The following GSE1 variants were observed in gnomAD, a reference collection of about 807,000 sequenced individuals.
GSE1 encodes Gse1 coiled-coil protein.
Under a neutral mutation model 112.6 loss-of-function variants are expected in GSE1, and 32 were observed. The ratio of observed to expected loss-of-function variants is 0.28; its 90% CI spans 0.21 to 0.38. GSE1 has a LOEUF of 0.38. Ranked by LOEUF, GSE1 falls within the 10% of genes least tolerant of loss-of-function variation. GSE1 has a pLI of 1.00. For synonymous variants in GSE1, 1,115 were observed against 735.6 expected (o/e 1.52, Z -8.35); for missense variants, 2,348 against 1,699.2 (o/e 1.38, Z -6.71).
chr16:85,303,126 C>T (rs939641776), intron 1 of GSE1, among the ~76,000 whole-genome samples: 4 of 152,244 alleles, frequency 2.6e-5, no homozygotes, highest in Non-Finnish European at 5.9e-5. Context: ...TAGTGACCAT[C>T]CCTCTGGCCG....
intron 2 of GSE1, among the ~76,000 whole-genome samples, chr16:85,643,411 G>A (rs73271277): frequency 0.12 from 18,555 of 152,164 alleles, 3,256 homozygotes; most frequent in African/African-American, 0.38. Context: ...ACCCGCCAGC[G>A]GGGATTAGGC....
In GSE1 at chr16:85,665,018, A is replaced by G. The variant is rs771349894; in HGVS notation, c.2648A>G (p.Lys883Arg). 3 of 1,596,280 alleles carry G rather than the reference A, an allele frequency of 1.9e-6. No homozygotes were observed. The highest frequency in any genetic ancestry group is 2.2e-5 in the East Asian group (1 of 44,808). The change falls in exon 12 of 16, where the codon AAA (lysine) becomes AGA (arginine). Residue 883 changes from lysine to arginine, a missense_variant. By Grantham distance (26) the Lys-to-Arg change is conservative. Coordinates refer to ENST00000253458, the MANE Select transcript of GSE1 (RefSeq NM_014615.5). ...TCTCAGGCTGCTTTTCTCATAGACA[A>G]AGAGAGACTTGTTGAAATGCTCCGT... Reference protein sequence around the residue: ...THISAEKRKDKERLVEMLRAM... With the variant: ...THISAEKRKDRERLVEMLRAM...
At chr16:85,425,053 G>A (rs1285719522) in intron 2 of GSE1, among the ~76,000 whole-genome samples, 2 of 152,230 alleles carry the variant, frequency 1.3e-5, no homozygotes, top group African/African-American at 4.8e-5. Context: ...GGACTGGACT[G>A]GGCTGGGGGC....
At chr16:85,333,755 C>A (rs2046423990) in intron 1 of GSE1, among the ~76,000 whole-genome samples, 1 of 152,172 alleles carries the variant, frequency 6.6e-6, no homozygotes, top group Non-Finnish European at 1.5e-5. Context: ...GATCTCACTT[C>A]CGGAGCACCC....
chr16:85,562,225 T>C (rs2045553704), intron 1 of GSE1, among the ~76,000 whole-genome samples: 1 of 152,174 alleles, frequency 6.6e-6, no homozygotes, highest in Admixed American at 6.5e-5. Flanking sequence ...TTCCAGGCAG[T>C]CACTAATTAA....
At chr16:85,608,961 C>T (rs1004016875), upstream of GSE1, among the ~76,000 whole-genome samples, 2 of 152,250 alleles carry the variant, frequency 1.3e-5, no homozygotes, top group African/African-American at 4.8e-5. Context: ...GTGTGCTGTC[C>T]TGCTGAGCCC....
intron 2 of GSE1, among the ~76,000 whole-genome samples, chr16:85,639,964 C>T (rs2050308900): frequency 6.6e-6 from 1 of 152,294 alleles, no homozygotes; most frequent in South Asian, 2.1e-4. Flanking sequence ...CACCCCCTCC[C>T]TGGGAAACAG....
chr16:85,311,755 CAGG>C lies in GSE1; in HGVS notation c.2284-45707_2284-45705del, dbSNP rs1163688695. Among the ~76,000 whole-genome samples, 1 of 152,164 alleles carries C rather than the reference CAGG, an allele frequency of 6.6e-6. No homozygotes were observed. Among genetic ancestry groups the C allele is most frequent in the Non-Finnish European group, 1.5e-5 (1 of 67,998 alleles). On this transcript the variant is annotated intron_variant, in intron 1 of 2. Coordinates refer to the GSE1 transcript ENST00000637419. This position sits in a 1 kb window ranked among gnomAD's most constrained non-coding sequence, Gnocchi z 4.2. ...AGGACCTGAGGTGGTGCAGGCTCTC[CAGG>C]GACATCTGTCCCACCTGCCGATGCC...
intron 1 of GSE1, among the ~76,000 whole-genome samples, chr16:85,258,517 G>T (rs1026334259): frequency 1.3e-5 from 2 of 152,328 alleles, no homozygotes; most frequent in South Asian, 4.1e-4. Context: ...CTGCGGCCCC[G>T]TGGCCACTGC....
chr16:85,358,797 G>A (rs1159641985), intron 2 of GSE1, among the ~76,000 whole-genome samples: 2 of 152,232 alleles, frequency 1.3e-5, no homozygotes, highest in Non-Finnish European at 2.9e-5. Flanking sequence ...AGGCCAGGCA[G>A]GGACTACTGT....
intron 1 of GSE1, among the ~76,000 whole-genome samples, chr16:85,259,704 G>A (rs1481850249): frequency 6.6e-6 from 1 of 152,200 alleles, no homozygotes; most frequent in Non-Finnish European, 1.5e-5. Context: ...CGAGGGCAGG[G>A]CTGTGCCCCT....
intron 1 of GSE1, among the ~76,000 whole-genome samples, chr16:85,613,864 G>A (rs889801195): frequency 1.4e-5 from 2 of 147,842 alleles, no homozygotes; most frequent in African/African-American, 2.5e-5. Flanking sequence ...GGGTGTGGGG[G>A]GGGGGGGTGC....
intron 2 of GSE1, among the ~76,000 whole-genome samples, chr16:85,380,876 T>C (rs1407844044): frequency 6.6e-6 from 1 of 152,194 alleles, no homozygotes; most frequent in Non-Finnish European, 1.5e-5. Flanking sequence ...GCTGTGAATT[T>C]CCAGTGGGCA....
intron 1 of GSE1, among the ~76,000 whole-genome samples, chr16:85,261,776 G>A (rs1297054895): frequency 2.0e-5 from 3 of 152,166 alleles, no homozygotes; most frequent in South Asian, 2.1e-4. Context: ...AGCCGCCATC[G>A]TCCCCAGTCT....
At chr16:85,497,744 A>G (rs1434342067) in intron 2 of GSE1, among the ~76,000 whole-genome samples, 1 of 152,156 alleles carries the variant, frequency 6.6e-6, no homozygotes, top group Non-Finnish European at 1.5e-5. Flanking sequence ...GGACACAACC[A>G]GCACTTTCTT....
At chr16:85,443,745 T>A (rs1203141952) in intron 2 of GSE1, among the ~76,000 whole-genome samples, 6 of 152,162 alleles carry the variant, frequency 3.9e-5, no homozygotes, top group Non-Finnish European at 8.8e-5. Flanking sequence ...AGCGTTTGGC[T>A]GACAGAGGGA....
At chr16:85,447,181 T>G (rs1482717877) in intron 2 of GSE1, among the ~76,000 whole-genome samples, 1 of 152,132 alleles carries the variant, frequency 6.6e-6, no homozygotes, top group Non-Finnish European at 1.5e-5. Context: ...TTGCCTGCTT[T>G]GCAAGCAAGA....
chr16:85,426,562 T>TG (rs1020273285), intron 2 of GSE1, among the ~76,000 whole-genome samples: 10 of 144,428 alleles, frequency 6.9e-5, no homozygotes, highest in East Asian at 2.0e-4. Context: ...GGTGGATGGA[T>TG]GGGGGGTGAA....
At chr16:85,590,253 C>A (rs988457392) in intron 1 of GSE1, among the ~76,000 whole-genome samples, 2 of 148,568 alleles carry the variant, frequency 1.3e-5, no homozygotes, top group African/African-American at 5.0e-5. Flanking sequence ...TGTGGGCCCG[C>A]GTGTGAATGA....
Sources: allele counts gnomAD v4.1 joint callset (sites outside exome capture counted in the v4.1 genomes callset), GRCh38; gene constraint gnomAD v4.1.1; non-coding constraint Gnocchi (gnomAD v3.1); transcripts MANE v1.5; gene names NCBI Gene and HGNC (gene_info 2026-07-23, HGNC 2026-07-21).